DNM1L: variants seen among roughly 807,000 people sequenced by gnomAD.
The protein encoded by DNM1L is dynamin-1-like protein.
Under a neutral mutation model 92.8 loss-of-function variants are expected in DNM1L, and 33 were observed. The observed-to-expected ratio is 0.36, with a 90% CI of 0.27 to 0.48. The LOEUF (loss-of-function observed/expected upper bound fraction) is 0.48. DNM1L is among the 20% of genes least tolerant of loss of function. The probability of loss-of-function intolerance (pLI) is 0.99; values close to 1 mark genes in which losing one functional copy is unlikely to be tolerated. For synonymous variants in DNM1L, 284 were observed against 305.0 expected, an observed-to-expected ratio of 0.93 and a Z score of 0.72; for missense variants, 485 against 888.8, an observed-to-expected ratio of 0.55 and a Z score of 5.78.
chr12:32,682,881 C>T (rs188155893), intron 1 of DNM1L, among the ~76,000 whole-genome samples: 1 of 152,190 alleles, frequency 6.6e-6, no homozygotes, highest in Non-Finnish European at 1.5e-5. Context: ...TAGTAGAGAC[C>T]ATCTGTGTGA....
At chr12:32,694,647 A>T (rs1592578064) in intron 1 of DNM1L, among the ~76,000 whole-genome samples, 1 of 152,196 alleles carries the variant, frequency 6.6e-6, no homozygotes, top group Non-Finnish European at 1.5e-5. Flanking sequence ...TATCTATATG[A>T]CTTTCCCCTA....
At chr12:32,735,858 C>G (rs1308569409) in intron 13 of DNM1L, among the ~76,000 whole-genome samples, 1 of 151,964 alleles carries the variant, frequency 6.6e-6, no homozygotes, top group Non-Finnish European at 1.5e-5. Flanking sequence ...GCCTGGGCGA[C>G]AGAGCGAGAC....
intron 17 of DNM1L, 43 bp from the exon 18 acceptor site, chr12:32,740,366 A>C (rs1368530985): frequency 6.2e-7 from 1 of 1,608,236 alleles, no homozygotes; most frequent in Non-Finnish European, 8.5e-7. Flanking sequence ...CTGCCATTTT[A>C]GTGTCACAAA....
At chr12:32,700,579 T>G (rs1028849029) in intron 1 of DNM1L, among the ~76,000 whole-genome samples, 1 of 151,892 alleles carries the variant, frequency 6.6e-6, no homozygotes, top group Non-Finnish European at 1.5e-5. Flanking sequence ...AAGCCCCACC[T>G]TTACAAAATA....
chr12:32,679,313 C>T lies in DNM1L; in HGVS notation c.-51C>T, dbSNP rs776650839. ...AAGGAGGCGAACTGTGGGCCCCGGCCCCATTCATTGCCGTGGCCGGCGGGC... is the reference window on the plus strand; with the variant it reads ...AAGGAGGCGAACTGTGGGCCCCGGCTCCATTCATTGCCGTGGCCGGCGGGC... On this transcript the variant is annotated 5_prime_UTR_variant, in exon 1 of 20. Coordinates refer to ENST00000549701, the MANE Select transcript of DNM1L (RefSeq NM_012062.5). 8 of 1,280,846 alleles carry T rather than the reference C, an allele frequency of 6.2e-6. No homozygotes were observed. The highest frequency in any genetic ancestry group is 7.9e-6 in the Non-Finnish European group (7 of 884,090). The allele number at this position is 1,280,846 out of a possible 1,614,324, so 79.3% of individuals were successfully genotyped here. A position where few individuals can be genotyped will look rare whatever the true frequency, so the allele number is the denominator to read the frequency against.
intron 16 of DNM1L, among the ~76,000 whole-genome samples, chr12:32,738,585 T>C (rs1159122471): frequency 1.3e-5 from 2 of 152,210 alleles, no homozygotes; most frequent in East Asian, 3.8e-4. Flanking sequence ...AATTGTATTT[T>C]TGGACATTTC....
intron 2 of DNM1L, chr12:32,705,764 A>C (rs2137327153): frequency 6.9e-7 from 1 of 1,450,710 alleles, no homozygotes; most frequent in East Asian, 2.3e-5. Context: ...ATTTTTAATA[A>C]GGTTTAAAAT....
intron 6 of DNM1L, among the ~76,000 whole-genome samples, chr12:32,717,414 TTTTA>T (rs1460947777): frequency 1.1e-4 from 5 of 43,518 alleles, no homozygotes; most frequent in African/African-American, 8.5e-4. Flanking sequence ...ATAATATATA[TTTTA>T]AATATATACT....
At chr12:32,698,294 C>T (rs1022121636) in intron 1 of DNM1L, among the ~76,000 whole-genome samples, 9 of 152,146 alleles carry the variant, frequency 5.9e-5, no homozygotes, top group African/African-American at 2.2e-4. Context: ...ATGAGGAGCC[C>T]TGGCAGGGAA....
At chr12:32,717,458 T>TATA (rs1953507928) in intron 6 of DNM1L, among the ~76,000 whole-genome samples, 1 of 102,632 alleles carries the variant, frequency 9.7e-6, no homozygotes, top group African/African-American at 4.3e-5. Flanking sequence ...ACTATATATA[T>TATA]TTTAAATATA....
At chr12:32,717,968 T>TA (rs1953594382) in intron 6 of DNM1L, among the ~76,000 whole-genome samples, 1 of 102,808 alleles carries the variant, frequency 9.7e-6, no homozygotes, top group South Asian at 2.5e-4. Flanking sequence ...AGTATATATA[T>TA]TATATATAGT....
At chr12:32,679,529 G>A (rs1385849626) in intron 1 of DNM1L, 64 bp downstream of exon 1, 25 of 1,522,902 alleles carry the variant, frequency 1.6e-5, no homozygotes, top group Admixed American at 3.4e-5. Flanking sequence ...CGGTGCTGCG[G>A]CAGTGCCCAC....
intron 6 of DNM1L, among the ~76,000 whole-genome samples, chr12:32,716,594 C>T (rs963354738): frequency 6.6e-6 from 1 of 151,940 alleles, no homozygotes; most frequent in African/African-American, 2.4e-5. Flanking sequence ...GTTAGGATTA[C>T]AGGCATGGGC....
At chr12:32,709,896 C>T (rs1286788413) in intron 4 of DNM1L, among the ~76,000 whole-genome samples, 1 of 151,882 alleles carries the variant, frequency 6.6e-6, no homozygotes, top group Non-Finnish European at 1.5e-5. Flanking sequence ...TCTAAAATAG[C>T]AAATATAATT....
At chr12:32,737,315 G>C (rs1048914) in intron 14 of DNM1L, 154 bp downstream of exon 14, 17 of 699,830 alleles carry the variant, frequency 2.4e-5, no homozygotes, top group African/African-American at 1.8e-4. Context: ...TTTAAAATGG[G>C]TTTTGAGTGA....
intron 9 of DNM1L, chr12:32,726,423 T>C (rs1193379642): frequency 2.0e-6 from 3 of 1,503,440 alleles, no homozygotes; most frequent in East Asian, 2.3e-5. Context: ...CTTCTTCGGG[T>C]CATAGTCTGG....
Position 32,733,718 on chromosome 12 carries a change from C to T in DNM1L, c.1450C>T (p.His484Tyr). 6.2e-7 allele frequency: 1 copy of T among 1,613,284 alleles called. No homozygotes were observed. The highest frequency in any genetic ancestry group is 8.5e-7 in the Non-Finnish European group (1 of 1,179,602). Residue 484 changes from histidine to tyrosine, a missense_variant, in exon 13 of 20, where the codon CAT becomes TAT. Around this residue, in one of 11 missense-constraint regions of DNM1L, gnomAD observed 28 missense variants for 65.1 expected, o/e 0.43. Transcript: ENST00000549701. ...KRLPVTNEMVHNLVAIELAYI... is the reference protein window; with the variant it reads ...KRLPVTNEMVYNLVAIELAYI... ...GCCTAACTTACTTTTTTTCTAGGTCCATAACTTAGTGGCAATTGAACTGGC... is the reference window on the plus strand; with the variant it reads ...GCCTAACTTACTTTTTTTCTAGGTCTATAACTTAGTGGCAATTGAACTGGC...
At chr12:32,722,365 T>A (rs971745434) in intron 8 of DNM1L, 62 bp from the exon 9 acceptor site, 1 of 1,443,530 alleles carries the variant, frequency 6.9e-7, no homozygotes, top group East Asian at 2.3e-5. Flanking sequence ...AAAATTTGAC[T>A]TGTTTAGGGC....
chr12:32,695,104 G>C (rs569175040), intron 1 of DNM1L, among the ~76,000 whole-genome samples: 2 of 152,254 alleles, frequency 1.3e-5, no homozygotes, highest in South Asian at 4.1e-4. Flanking sequence ...AGAAGGTCCA[G>C]ATAAAAGCAG....
Sources: allele counts gnomAD v4.1 joint callset (sites outside exome capture counted in the v4.1 genomes callset), GRCh38; gene constraint gnomAD v4.1.1; regional missense constraint gnomAD v4.1.1; transcripts MANE v1.5; gene names NCBI Gene and HGNC (gene_info 2026-07-23, HGNC 2026-07-21).